GALNTL6: variants seen among roughly 807,000 people sequenced by gnomAD.
The protein encoded by GALNTL6 is polypeptide N-acetylgalactosaminyltransferase-like 6.
A neutral mutation model predicts 73.7 loss-of-function variants in GALNTL6; 46 were observed. The ratio of observed to expected loss-of-function variants is 0.62; its 90% confidence interval spans 0.49 to 0.80. The LOEUF is 0.80. GALNTL6 is among the 30% of genes least tolerant of loss of function. GALNTL6 has a pLI of 0.00. For missense variants in GALNTL6, 604 were observed against 755.0 expected (o/e 0.80, Z 2.34); for synonymous variants, 259 against 263.7 (o/e 0.98, Z 0.17).
At chr4:171,822,067 C>G (rs1455251414) in intron 2 of GALNTL6, among the ~76,000 whole-genome samples, 1 of 152,010 alleles carries the variant, frequency 6.6e-6, no homozygotes, top group Non-Finnish European at 1.5e-5. Context: ...AAAATAAAGT[C>G]CATGAGTCAA....
intron 2 of GALNTL6, among the ~76,000 whole-genome samples, chr4:172,080,106 A>G (rs1272888292): frequency 6.6e-6 from 1 of 152,198 alleles, no homozygotes; most frequent in African/African-American, 2.4e-5. Flanking sequence ...AACAGTGCTA[A>G]CATAATTTCT....
Position 172,849,612 on chromosome 4 carries a change from G to T in GALNTL6, c.924-33178G>T, listed in dbSNP as rs147837494. On this transcript the variant is annotated intron_variant, in intron 7 of 12. Transcript: ENST00000506823. ...CACTTTAAGTAAACACAAATAAAGTGAATGTGTTGAACAAGCCAGCTATAG... is the reference window on the plus strand; with the variant it reads ...CACTTTAAGTAAACACAAATAAAGTTAATGTGTTGAACAAGCCAGCTATAG... Among the ~76,000 whole-genome samples, 32 of 152,270 alleles carry T rather than the reference G, an allele frequency of 2.1e-4. No individual in the cohort carries two copies. The East Asian group carries it at 6.2e-3, about 29-fold the overall frequency.
chr4:172,463,502 C>T (rs1052932965), intron 5 of GALNTL6, among the ~76,000 whole-genome samples: 25 of 152,234 alleles, frequency 1.6e-4, no homozygotes, highest in Middle Eastern at 3.4e-3. Context: ...TTTGTAAATG[C>T]GTGTTTCTAT....
At chr4:172,198,265 A>G (rs1210817850) in intron 2 of GALNTL6, among the ~76,000 whole-genome samples, 1 of 151,954 alleles carries the variant, frequency 6.6e-6, no homozygotes, top group Non-Finnish European at 1.5e-5. Flanking sequence ...TAATTAAACT[A>G]AAGATCTGCA....
intron 5 of GALNTL6, among the ~76,000 whole-genome samples, chr4:172,657,207 C>T (rs1266081111): frequency 1.3e-5 from 2 of 152,134 alleles, no homozygotes; most frequent in African/African-American, 4.8e-5. Context: ...TCTTGAAATA[C>T]GCACACAAAA....
chr4:172,141,496 A>T (rs1179154129), intron 2 of GALNTL6, among the ~76,000 whole-genome samples: 1 of 152,064 alleles, frequency 6.6e-6, no homozygotes, highest in African/African-American at 2.4e-5. Context: ...GATTATTTTA[A>T]GCATATAATG....
At chr4:172,675,481 A>C (rs1327716609) in intron 5 of GALNTL6, among the ~76,000 whole-genome samples, 2 of 152,166 alleles carry the variant, frequency 1.3e-5, no homozygotes, top group Non-Finnish European at 2.9e-5. Context: ...GAATGTGTGC[A>C]TGGTGGCACT....
rs201130774 is a variant in GALNTL6, at chr4:172,394,428, C to CTTT, written c.553+45757_553+45759dup. On this transcript the variant is annotated intron_variant, in intron 5 of 12. Transcript: ENST00000506823. ...TCTTGCAATTTATTTTCTTCTTCTT[C>CTTT]TTTTTTTTTTTTTTTTTTTTGAGAT... 4.8e-3 allele frequency among the ~76,000 whole-genome samples: 577 copies of CTTT among 120,048 alleles called. 8 individuals are homozygous for CTTT. The highest frequency in any genetic ancestry group is 0.012 in the African/African-American group (359 of 30,002). The allele number at this position is 120,048 out of a possible 152,430, so 78.8% of individuals were successfully genotyped here. A position where few individuals can be genotyped will look rare whatever the true frequency, so the allele number is the denominator to read the frequency against.
intron 5 of GALNTL6, among the ~76,000 whole-genome samples, chr4:172,501,957 G>A (rs1734276406): frequency 6.6e-6 from 1 of 152,068 alleles, no homozygotes; most frequent in Non-Finnish European, 1.5e-5. Flanking sequence ...AATGGCCTTA[G>A]TTTCCAAATG....
chr4:172,925,604 C>G (rs769757894), intron 8 of GALNTL6, among the ~76,000 whole-genome samples: 3 of 152,126 alleles, frequency 2.0e-5, no homozygotes, highest in Non-Finnish European at 2.9e-5. Context: ...AAAATGGTGT[C>G]GATAAGCTGA....
intron 5 of GALNTL6, among the ~76,000 whole-genome samples, chr4:172,652,299 A>T (rs1240241059): frequency 6.6e-6 from 1 of 152,220 alleles, no homozygotes; most frequent in Non-Finnish European, 1.5e-5. Flanking sequence ...TTTAAAAGTA[A>T]AATAGAGAAA....
chr4:173,017,238 C>G (rs1178448052), intron 11 of GALNTL6, among the ~76,000 whole-genome samples: 1 of 151,994 alleles, frequency 6.6e-6, no homozygotes, highest in African/African-American at 2.4e-5. Context: ...AAGGATCATT[C>G]AAAAGAAGAA....
chr4:173,000,266 C>T (rs1751989297), intron 10 of GALNTL6, among the ~76,000 whole-genome samples: 2 of 152,136 alleles, frequency 1.3e-5, no homozygotes, highest in Non-Finnish European at 2.9e-5. Context: ...TGAAATCAAA[C>T]TCTGGGCAGT....
At chr4:172,285,622 T>C (rs1358032967) in intron 3 of GALNTL6, among the ~76,000 whole-genome samples, 1 of 152,228 alleles carries the variant, frequency 6.6e-6, no homozygotes, top group Non-Finnish European at 1.5e-5. Flanking sequence ...GACAGGACTA[T>C]TGGTAAGATG....
intron 2 of GALNTL6, among the ~76,000 whole-genome samples, chr4:171,962,807 G>A (rs980417055): frequency 5.3e-5 from 6 of 113,440 alleles, no homozygotes; most frequent in East Asian, 2.7e-4. Flanking sequence ...TCGCTCTGTC[G>A]CCAGGCAAGA....
At chr4:172,443,612 C>T (rs1731918696) in intron 5 of GALNTL6, among the ~76,000 whole-genome samples, 1 of 151,964 alleles carries the variant, frequency 6.6e-6, no homozygotes, top group African/African-American at 2.4e-5. Flanking sequence ...AGAGATATGA[C>T]TGAGAACACA....
intron 10 of GALNTL6, among the ~76,000 whole-genome samples, chr4:172,957,885 T>C (rs1028631454): frequency 5.3e-5 from 8 of 152,048 alleles, no homozygotes; most frequent in East Asian, 3.9e-4. Context: ...TGGTGAGTGG[T>C]GATTAGGCCT....
chr4:171,911,053 C>G (rs1313428125), intron 2 of GALNTL6, among the ~76,000 whole-genome samples: 1 of 152,184 alleles, frequency 6.6e-6, no homozygotes, highest in East Asian at 1.9e-4. Flanking sequence ...ACTAATACCT[C>G]TGTTATAGTT....
At chr4:172,575,833 G>T (rs939909014) in intron 5 of GALNTL6, among the ~76,000 whole-genome samples, 5 of 152,130 alleles carry the variant, frequency 3.3e-5, no homozygotes, top group South Asian at 2.1e-4. Context: ...TCTGAAATCA[G>T]TGACTCAGCA....
Sources: allele counts gnomAD v4.1 joint callset (sites outside exome capture counted in the v4.1 genomes callset), GRCh38; gene constraint gnomAD v4.1.1; transcripts MANE v1.5; gene names NCBI Gene and HGNC (gene_info 2026-07-23, HGNC 2026-07-21).